EHBP1: variants seen among roughly 807,000 people sequenced by gnomAD.
EHBP1 encodes the protein EH domain-binding protein 1.
EHBP1 carries 55 observed loss-of-function variants against 144.0 expected under a neutral mutation model. That is an observed-to-expected ratio of 0.38 (90% CI 0.31 to 0.48). EHBP1 has a LOEUF of 0.48. EHBP1 is among the 20% of genes least tolerant of loss of function. The pLI is 0.98. For missense variants in EHBP1, 1,200 were observed against 1,364.2 expected, an observed-to-expected ratio of 0.88 and a Z score of 1.90; for synonymous variants, 469 against 472.7, an observed-to-expected ratio of 0.99 and a Z score of 0.10.
intron 8 of EHBP1, among the ~76,000 whole-genome samples, chr2:62,862,134 G>A (rs1288038512): frequency 1.3e-5 from 2 of 152,070 alleles, no homozygotes; most frequent in East Asian, 3.9e-4. Context: ...TTTAGGCTAT[G>A]TTTAAATTCA....
chr2:62,872,031 CA>C (rs2050531140), intron 9 of EHBP1: 1 of 152,054 alleles, frequency 6.6e-6, no homozygotes, highest in African/African-American at 2.4e-5. Context: ...GAATTTTATT[CA>C]GGGAAGCTAC....
At chr2:63,026,552 A>G (rs2060993355) in intron 19 of EHBP1, among the ~76,000 whole-genome samples, 1 of 152,180 alleles carries the variant, frequency 6.6e-6, no homozygotes, top group South Asian at 2.1e-4. Flanking sequence ...TAAATAACTT[A>G]CACAAGTTCA....
chr2:62,820,737 AATATATAT>A (rs57039974), intron 5 of EHBP1, among the ~76,000 whole-genome samples: 2,830 of 54,584 alleles, frequency 0.052, 136 homozygotes, highest in East Asian at 0.2. Flanking sequence ...GTGTGTGTAT[AATATATAT>A]ATATATATAT....
chr2:62,829,587 G>C (rs2152639564), intron 6 of EHBP1, among the ~76,000 whole-genome samples: 1 of 147,162 alleles, frequency 6.8e-6, no homozygotes, highest in South Asian at 2.1e-4. Context: ...GTGTGTGTGT[G>C]TGTGTGTGTA....
intron 10 of EHBP1, among the ~76,000 whole-genome samples, chr2:62,875,239 C>T (rs576132097): frequency 2.0e-5 from 3 of 152,344 alleles, no homozygotes; most frequent in African/African-American, 7.2e-5. Context: ...CACCCCACAT[C>T]AGAGTGATCT....
chr2:63,028,846 G>T (rs2061103853), intron 19 of EHBP1, among the ~76,000 whole-genome samples: 1 of 152,098 alleles, frequency 6.6e-6, no homozygotes, highest in Non-Finnish European at 1.5e-5. Context: ...AAGGTGCTGT[G>T]CTTTTAACAC....
chr2:62,915,088 T>G (rs1046398501), intron 10 of EHBP1, among the ~76,000 whole-genome samples: 1 of 152,088 alleles, frequency 6.6e-6, no homozygotes, highest in Non-Finnish European at 1.5e-5. Flanking sequence ...GATCGGCATT[T>G]CCCTTTCATT....
intron 10 of EHBP1, among the ~76,000 whole-genome samples, chr2:62,878,895 G>A (rs1396191704): frequency 1.3e-5 from 2 of 151,886 alleles, no homozygotes; most frequent in Non-Finnish European, 2.9e-5. Context: ...GTGGGCGCCT[G>A]TAGTCCCAGC....
At chr2:62,879,991 C>G (rs1398736576) in intron 10 of EHBP1, among the ~76,000 whole-genome samples, 7 of 152,062 alleles carry the variant, frequency 4.6e-5, no homozygotes, top group Admixed American at 3.9e-4. Flanking sequence ...GTACAGTAAT[C>G]AAAACAGCAT....
chr2:62,819,554 G>C (rs1390974945), intron 5 of EHBP1, among the ~76,000 whole-genome samples: 1 of 151,840 alleles, frequency 6.6e-6, no homozygotes, highest in African/African-American at 2.4e-5. Flanking sequence ...TTGGGGGTGT[G>C]GGAGTTTGAG....
intron 3 of EHBP1, among the ~76,000 whole-genome samples, chr2:62,747,765 C>T (rs549897775): frequency 7.0e-4 from 106 of 151,754 alleles, no homozygotes; most frequent in Non-Finnish European, 1.2e-3. Context: ...GCAAAAACTG[C>T]AGTTACTTTT....
intron 1 of EHBP1, among the ~76,000 whole-genome samples, chr2:62,693,993 C>T (rs572802826): frequency 6.6e-6 from 1 of 152,146 alleles, no homozygotes; most frequent in East Asian, 1.9e-4. Flanking sequence ...TCTAAAAAAC[C>T]ATTGCCAAAC....
In EHBP1 at chr2:63,045,469, C is replaced by T; in HGVS notation, c.3452C>T (p.Ala1151Val). ...RTLEQNKGKM[A>V]KKEEKCVLQ ...CTGGAGCAAAACAAAGGCAAGATGG[C>T]CAAGAAAGAGGAGAAATGTGTTCTT... The change falls in exon 23 of 23, where the codon GCC becomes GTC. Residue 1151 changes from alanine (A) to valine (V), a missense_variant. Ala to Val is a moderately conservative substitution (Grantham distance 64). Transcript: ENST00000431489. The surrounding 1 kb of genome is among the most constrained non-coding windows in gnomAD (Gnocchi z 5.7). 6.2e-7 allele frequency: 1 copy of T among 1,613,970 alleles called. No homozygotes were observed. The highest frequency in any genetic ancestry group is 8.5e-7 in the Non-Finnish European group (1 of 1,179,904).
At chr2:62,832,643 A>G (rs939973722) in intron 7 of EHBP1, among the ~76,000 whole-genome samples, 9 of 152,038 alleles carry the variant, frequency 5.9e-5, no homozygotes, top group Admixed American at 1.3e-4. Flanking sequence ...TCTATGACCA[A>G]TGATCTTTGA....
intron 2 of EHBP1, among the ~76,000 whole-genome samples, chr2:62,710,807 A>G (rs75343886): frequency 0.015 from 2,214 of 152,292 alleles, 60 homozygotes; most frequent in African/African-American, 0.051. Context: ...TTAGACATTA[A>G]GAAGACTACA....
intron 5 of EHBP1, among the ~76,000 whole-genome samples, chr2:62,785,530 A>G (rs1457041179): frequency 6.6e-6 from 1 of 152,154 alleles, no homozygotes; most frequent in East Asian, 1.9e-4. Flanking sequence ...GAATGTTTAG[A>G]TAATTTGCTC....
intron 14 of EHBP1, among the ~76,000 whole-genome samples, chr2:62,956,366 G>C (rs1294087164): frequency 6.6e-6 from 1 of 152,194 alleles, no homozygotes. Context: ...TCATGTGTTA[G>C]TAGTTGTTTT....
chr2:62,927,810 C>G (rs2055650863), intron 10 of EHBP1, among the ~76,000 whole-genome samples: 1 of 152,130 alleles, frequency 6.6e-6, no homozygotes, highest in Non-Finnish European at 1.5e-5. Flanking sequence ...TGCACATTTT[C>G]CCAAATGCAC....
At chr2:62,716,503 T>C (rs2035691252) in intron 2 of EHBP1, among the ~76,000 whole-genome samples, 1 of 152,262 alleles carries the variant, frequency 6.6e-6, no homozygotes, top group Admixed American at 6.5e-5. Flanking sequence ...GCAGATTGGC[T>C]TTCCAAATAG....
Sources: allele counts gnomAD v4.1 joint callset (sites outside exome capture counted in the v4.1 genomes callset), GRCh38; gene constraint gnomAD v4.1.1; non-coding constraint Gnocchi (gnomAD v3.1); transcripts MANE v1.5; gene names NCBI Gene and HGNC (gene_info 2026-07-23, HGNC 2026-07-21).